The following ERVK3-1 variants were observed in gnomAD, a reference collection of about 807,000 sequenced individuals.
ERVK3-1 encodes endogenous retrovirus group K3 member 1, also known as HERV-K(HML6-1).
downstream of ERVK3-1, among the ~76,000 whole-genome samples, chr19:58,316,067 G>A (rs950559735): frequency 1.8e-4 from 27 of 152,272 alleles, no homozygotes; most frequent in African/African-American, 6.0e-4. Flanking sequence ...CTGAGGTGCC[G>A]AGTGAGGTAG....
intron 2 of ERVK3-1, among the ~76,000 whole-genome samples, chr19:58,308,093 G>A (rs2051535759): frequency 6.6e-6 from 1 of 152,126 alleles, no homozygotes; most frequent in South Asian, 2.1e-4. Flanking sequence ...AAGATCTTTG[G>A]GTTTTTAAAC....
At chr19:58,316,717 C>T (rs2051594725), downstream of ERVK3-1, among the ~76,000 whole-genome samples, 1 of 152,172 alleles carries the variant, frequency 6.6e-6, no homozygotes, top group South Asian at 2.1e-4. Flanking sequence ...GCTTTGTAGG[C>T]TCAGAGAGAA....
rs1279279573 is a variant in ERVK3-1, at chr19:58,313,911, C to T, written c.295-837C>T. Among the ~76,000 whole-genome samples the T allele has an allele frequency of 6.6e-6, 1 of 152,192 alleles. No homozygotes were observed. The highest frequency in any genetic ancestry group is 1.9e-4 in the East Asian group (1 of 5,200). On this transcript the variant is annotated intron_variant, in intron 3 of 3. Transcript: ENST00000413518. This position sits in a 1 kb window ranked among gnomAD's most constrained non-coding sequence, Gnocchi z 4.5. ...ATCTCCTTAGTCACACTAATAACCT[C>T]GGTTGTAGTGTCCTCAGTAGCACTA...
rs560944350 is a variant in ERVK3-1 at position 58,313,990 on chromosome 19, C to G, written c.295-758C>G. The stretch of plus-strand genomic sequence containing the variant: ...TAGAAAATTGGACATGTACAGCCAA[C>G]CAGGCATGGATGCTTCAAAATAAAA... On this transcript the variant is annotated intron_variant, in intron 3 of 3. Transcript: ENST00000413518. The surrounding 1 kb of genome is among the most constrained non-coding windows in gnomAD (Gnocchi z 4.5). 6.6e-6 allele frequency among the ~76,000 whole-genome samples: 1 copy of G among 152,290 alleles called. No homozygotes were observed. Among genetic ancestry groups the G allele is most frequent in the East Asian group, 1.9e-4 (1 of 5,182 alleles).
chr19:58,311,726 G>A (rs145940184), intron 2 of ERVK3-1: 1 of 152,994 alleles, frequency 6.5e-6, no homozygotes, highest in Non-Finnish European at 1.5e-5. Context: ...CATGTCTGAC[G>A]ATACTGTCTG....
At chr19:58,316,621 A>T (rs1270330230), downstream of ERVK3-1, among the ~76,000 whole-genome samples, 1 of 152,254 alleles carries the variant, frequency 6.6e-6, no homozygotes, top group Non-Finnish European at 1.5e-5. Context: ...TGGTGAGCCA[A>T]GATCGTGCCT....
At chr19:58,308,107 G>A (rs1206906233) in intron 2 of ERVK3-1, among the ~76,000 whole-genome samples, 1 of 152,120 alleles carries the variant, frequency 6.6e-6, no homozygotes, top group Non-Finnish European at 1.5e-5. Flanking sequence ...TTTAAACCTG[G>A]GAAATATATT....
chr19:58,311,328 C>A (rs1230154146), intron 2 of ERVK3-1: 1 of 152,212 alleles, frequency 6.6e-6, no homozygotes, highest in East Asian at 1.9e-4. Context: ...TGCCCCTTTT[C>A]ATATTTCTCA....
chr19:58,306,296 C>A (rs747102150), intron 2 of ERVK3-1, 80 bp downstream of exon 2: 1 of 152,206 alleles, frequency 6.6e-6, no homozygotes, highest in Non-Finnish European at 1.5e-5. Flanking sequence ...TGTTGAGGAG[C>A]AACATTATGT....
chr19:58,311,319 G>GC (rs1321568861), intron 2 of ERVK3-1: 1 of 152,108 alleles, frequency 6.6e-6, no homozygotes, highest in Non-Finnish European at 1.5e-5. Context: ...CTCTCATGCT[G>GC]CCCCTTTTCA....
chr19:58,305,832 C>G (rs146183331), intron 1 of ERVK3-1, among the ~76,000 whole-genome samples: 68 of 152,316 alleles, frequency 4.5e-4, no homozygotes, highest in East Asian at 7.7e-4. Context: ...CCCAGGTCCC[C>G]TGCTCCTTGA....
At chr19:58,316,565 G>A (rs1324992045), downstream of ERVK3-1, among the ~76,000 whole-genome samples, 1 of 152,192 alleles carries the variant, frequency 6.6e-6, no homozygotes, top group Non-Finnish European at 1.5e-5. Flanking sequence ...CAGCTACTCG[G>A]GAGGCTGAGG....
At chr19:58,308,792 C>T (rs1285053914) in intron 2 of ERVK3-1, among the ~76,000 whole-genome samples, 5 of 152,164 alleles carry the variant, frequency 3.3e-5, no homozygotes, top group African/African-American at 1.2e-4. Flanking sequence ...TGACTCAACT[C>T]CATCAGCTGG....
rs1568534261 is a variant in ERVK3-1, at chr19:58,313,458, G to T, written c.294+996G>T. On this transcript the variant is annotated intron_variant, in intron 3 of 3. Coordinates refer to ENST00000413518, the Ensembl canonical transcript of ERVK3-1. The surrounding 1 kb of genome is among the most constrained non-coding windows in gnomAD (Gnocchi z 4.5). ...CCGCCACCGTGCCAGGCTATTTTTT[G>T]TTTTTTGTATTTTTAATAGAAACGG... Among the ~76,000 whole-genome samples, 1 of 151,424 alleles carries T rather than the reference G, an allele frequency of 6.6e-6. No homozygotes were observed. Among genetic ancestry groups the T allele is most frequent in the African/African-American group, 2.4e-5 (1 of 40,908 alleles).
At chr19:58,316,030 G>A (rs540567500), downstream of ERVK3-1, among the ~76,000 whole-genome samples, 1 of 152,292 alleles carries the variant, frequency 6.6e-6, no homozygotes, top group East Asian at 1.9e-4. Flanking sequence ...GCAATGTGGA[G>A]ACAGAGAGAG....
At chr19:58,306,602 C>G (rs1321301265) in intron 2 of ERVK3-1, 1 of 152,248 alleles carries the variant, frequency 6.6e-6, no homozygotes, top group Non-Finnish European at 1.5e-5. Flanking sequence ...TTGAAAGAAT[C>G]TTTTGTCTCA....
chr19:58,306,531 C>T (rs1288924135), intron 2 of ERVK3-1: 1 of 152,174 alleles, frequency 6.6e-6, no homozygotes, highest in African/African-American at 2.4e-5. Context: ...GTACTGTCCT[C>T]CTGCCATTGT....
chr19:58,307,077 A>G (rs1468553277), intron 2 of ERVK3-1, among the ~76,000 whole-genome samples: 2 of 152,242 alleles, frequency 1.3e-5, no homozygotes, highest in Admixed American at 1.3e-4. Flanking sequence ...AGGAAATGCT[A>G]TTGGGTAGTG....
chr19:58,312,871 C>T lies in ERVK3-1; in HGVS notation c.294+409C>T, dbSNP rs8110249. ...ATATTTCTCACCCCCCTCCTTGGAC[C>T]CAGTGTCTTGGCCCCTTGGCCAGAC... On this transcript the variant is annotated intron_variant, in intron 3 of 3. Coordinates refer to ENST00000413518, the Ensembl canonical transcript of ERVK3-1. The surrounding 1 kb of genome is among the most constrained non-coding windows in gnomAD (Gnocchi z 4.7). 21,777 of 155,154 alleles carry T rather than the reference C, an allele frequency of 0.14. 2,415 individuals carry two copies. Among genetic ancestry groups the T allele is most frequent in the African/African-American group, 0.3 (12,547 of 41,622 alleles). The allele number at this position is 155,154 out of a possible 1,614,324, so 9.6% of individuals were successfully genotyped here. A position where few individuals can be genotyped will look rare whatever the true frequency, so the allele number is the denominator to read the frequency against.
Sources: allele counts gnomAD v4.1 joint callset (sites outside exome capture counted in the v4.1 genomes callset), GRCh38; gene constraint gnomAD v4.1.1; non-coding constraint Gnocchi (gnomAD v3.1); transcripts MANE v1.5; gene names NCBI Gene and HGNC (gene_info 2026-07-23, HGNC 2026-07-21).